Variants in ZNF804A observed in about 807,000 individuals in gnomAD.
ZNF804A encodes the protein zinc finger protein 804A.
In ZNF804A, 2 loss-of-function variants were observed where a neutral mutation model predicts 16.5. The ratio of observed to expected loss-of-function variants is 0.12; its 90% CI spans 0.05 to 0.38. The LOEUF is 0.38. Among genes scored for constraint, ZNF804A ranks in the 10% least tolerant of loss-of-function variants. The probability of loss-of-function intolerance (pLI) is 0.99; values close to 1 mark genes in which losing one functional copy is unlikely to be tolerated. For synonymous variants in ZNF804A, 534 were observed against 489.6 expected (o/e 1.09, Z -1.20); for missense variants, 1,473 against 1,390.7 (o/e 1.06, Z -0.94).
chr2:184,708,916 G>A (rs1319922427), intron 1 of ZNF804A, among the ~76,000 whole-genome samples: 1 of 151,870 alleles, frequency 6.6e-6, no homozygotes, highest in Admixed American at 6.6e-5. Context: ...TACTACTGTA[G>A]TCCCATCTCC....
At chr2:184,915,913 T>C (rs1685442344) in intron 2 of ZNF804A, among the ~76,000 whole-genome samples, 1 of 152,156 alleles carries the variant, frequency 6.6e-6, no homozygotes, top group Non-Finnish European at 1.5e-5. Flanking sequence ...ATGCCATTGA[T>C]TAAATAATGA....
At position 184,642,025 on chromosome 2, in the gene ZNF804A, C is replaced by T. The variant is rs373915266; in HGVS notation, c.111+42955C>T. ...TTAATGTCTGTCTTCTCATCAAGCA[C>T]ACACACACACATGCACACATTTATG... On this transcript the variant is annotated intron_variant, in intron 1 of 3. Coordinates refer to ENST00000302277, the MANE Select transcript of ZNF804A (RefSeq NM_194250.2). 4.6e-5 allele frequency among the ~76,000 whole-genome samples: 7 copies of T among 151,912 alleles called. No individual in the cohort carries two copies. The East Asian group carries it at 7.7e-4, about 17-fold the overall frequency.
At chr2:184,834,754 A>T (rs1695318106) in intron 1 of ZNF804A, among the ~76,000 whole-genome samples, 1 of 152,004 alleles carries the variant, frequency 6.6e-6, no homozygotes, top group African/African-American at 2.4e-5. Context: ...AATATTTATG[A>T]TTGCTTTTGT....
intron 1 of ZNF804A, among the ~76,000 whole-genome samples, chr2:184,677,818 T>C (rs1692463631): frequency 6.6e-6 from 1 of 152,070 alleles, no homozygotes; most frequent in South Asian, 2.1e-4. Context: ...ATTGCTATTA[T>C]ACTGATAAAT....
At position 184,829,944 on chromosome 2, in the gene ZNF804A, C is replaced by T. The variant is rs373495944; in HGVS notation, c.112-36425C>T. Among the ~76,000 whole-genome samples, 41 of 124,606 alleles carry T rather than the reference C, an allele frequency of 3.3e-4. 1 individual carries two copies. The East Asian group carries it at 7.9e-3, about 24-fold the overall frequency. 81.7% of individuals were successfully genotyped at this position (124,606 alleles called of 152,430 possible). A position where few individuals can be genotyped will look rare whatever the true frequency, so the allele number is the denominator to read the frequency against. ...AAAACAAAAACAAAAAAAAAAAAAC[C>T]ACACACACACAAATGGACTGGATAT... On this transcript the variant is annotated intron_variant, in intron 1 of 3. Transcript: ENST00000302277.
intron 1 of ZNF804A, among the ~76,000 whole-genome samples, chr2:184,710,366 G>C (rs1025216379): frequency 6.6e-6 from 1 of 151,202 alleles, no homozygotes; most frequent in African/African-American, 2.4e-5. Flanking sequence ...ATTCACTGTT[G>C]AATTGTTTGC....
At chr2:184,651,229 T>G (rs1691978412) in intron 1 of ZNF804A, among the ~76,000 whole-genome samples, 1 of 152,142 alleles carries the variant, frequency 6.6e-6, no homozygotes, top group Non-Finnish European at 1.5e-5. Flanking sequence ...TTGGGATAAC[T>G]GGCTAGCCAT....
At position 184,938,468 on chromosome 2, in the gene ZNF804A, G is replaced by A; in HGVS notation, c.3072G>A (p.Leu1024=). The part of the protein sequence containing the change: ...GHTFVTAEQI[L]APLALPEQAL... ...CTTTTGTAACAGCTGAGCAAATCCT[G>A]GCTCCATTAGCTTTACCAGAGCAAG... The change falls in exon 4 of 4, where the codon CTG becomes CTA. Residue 1024 remains leucine (L), a synonymous_variant. Coordinates refer to ENST00000302277, the MANE Select transcript of ZNF804A (RefSeq NM_194250.2). 1.9e-6 allele frequency: 3 copies of A among 1,613,948 alleles called. No homozygotes were observed. The highest frequency in any genetic ancestry group is 2.5e-6 in the Non-Finnish European group (3 of 1,179,978).
intron 1 of ZNF804A, among the ~76,000 whole-genome samples, chr2:184,807,500 T>G (rs1020664930): frequency 6.6e-6 from 1 of 151,822 alleles, no homozygotes; most frequent in Non-Finnish European, 1.5e-5. Context: ...AGTGAATAAA[T>G]GAAGGCTGGT....
intron 1 of ZNF804A, among the ~76,000 whole-genome samples, chr2:184,629,849 T>A (rs979245569): frequency 2.0e-5 from 3 of 152,142 alleles, no homozygotes; most frequent in Non-Finnish European, 2.9e-5. Flanking sequence ...TGTAATGTAA[T>A]TGTTTGTGAT....
chr2:184,789,009 C>A (rs1248769296), intron 1 of ZNF804A, among the ~76,000 whole-genome samples: 1 of 151,762 alleles, frequency 6.6e-6, no homozygotes, highest in Non-Finnish European at 1.5e-5. Context: ...GAAATATATT[C>A]TATTTATGTC....
intron 1 of ZNF804A, among the ~76,000 whole-genome samples, chr2:184,752,911 T>C (rs1196311703): frequency 6.6e-6 from 1 of 151,494 alleles, no homozygotes; most frequent in Non-Finnish European, 1.5e-5. Flanking sequence ...AAAACCACAA[T>C]GAGATGTTAT....
At chr2:184,751,114 G>C (rs1693870885) in intron 1 of ZNF804A, among the ~76,000 whole-genome samples, 1 of 151,516 alleles carries the variant, frequency 6.6e-6, no homozygotes, top group South Asian at 2.1e-4. Context: ...CTTAAATGCT[G>C]TGAATAATGC....
chr2:184,872,854 G>A (rs961156180), intron 2 of ZNF804A, among the ~76,000 whole-genome samples: 1 of 152,128 alleles, frequency 6.6e-6, no homozygotes, highest in East Asian at 1.9e-4. Context: ...ATTACATACA[G>A]TTCTGCATTC....
intron 1 of ZNF804A, among the ~76,000 whole-genome samples, chr2:184,647,488 C>T (rs1281230981): frequency 6.6e-6 from 1 of 151,944 alleles, no homozygotes; most frequent in Non-Finnish European, 1.5e-5. Flanking sequence ...AAAATCAACA[C>T]AAATCAATCT....
intron 2 of ZNF804A, among the ~76,000 whole-genome samples, chr2:184,898,927 A>G (rs974904045): frequency 6.6e-6 from 1 of 152,026 alleles, no homozygotes; most frequent in Non-Finnish European, 1.5e-5. Flanking sequence ...TTTTATGATA[A>G]TATTTACAAT....
At chr2:184,749,021 A>T (rs951465201) in intron 1 of ZNF804A, among the ~76,000 whole-genome samples, 3 of 151,574 alleles carry the variant, frequency 2.0e-5, no homozygotes, top group African/African-American at 7.3e-5. Flanking sequence ...AGGTAGTGTG[A>T]TGCTTCTGGC....
At chr2:184,650,691 A>G (rs1398428780) in intron 1 of ZNF804A, among the ~76,000 whole-genome samples, 1 of 150,414 alleles carries the variant, frequency 6.6e-6, no homozygotes. Context: ...AATAGCTAAA[A>G]CTGAAACAAA....
At chr2:184,661,869 C>A (rs1692180853) in intron 1 of ZNF804A, among the ~76,000 whole-genome samples, 1 of 152,182 alleles carries the variant, frequency 6.6e-6, no homozygotes, top group Non-Finnish European at 1.5e-5. Context: ...GTTCCACCAA[C>A]ATTTTTAAAC....
Sources: gnomAD v4.1 joint callset for allele counts (sites outside exome capture counted in the v4.1 genomes callset) on GRCh38, gnomAD v4.1.1 for gene constraint, MANE v1.5 for transcripts, NCBI Gene and HGNC (gene_info 2026-07-23, HGNC 2026-07-21) for gene names.